Variants in FAM78B observed in about 807,000 individuals in gnomAD.
FAM78B encodes family with sequence similarity 78 member B.
A neutral mutation model predicts 20.0 loss-of-function variants in FAM78B; 10 were observed. The ratio of observed to expected loss-of-function variants is 0.50; its 90% CI spans 0.31 to 0.85. FAM78B has a LOEUF of 0.85. Among genes scored for constraint, FAM78B ranks in the 40% least tolerant of loss-of-function variants. The pLI is 0.05. For missense variants in FAM78B, 283 were observed against 345.0 expected, an observed-to-expected ratio of 0.82 and a Z score of 1.42; for synonymous variants, 135 against 132.8, an observed-to-expected ratio of 1.02 and a Z score of -0.12.
At chr1:166,112,619 T>G (rs1654098882) in intron 1 of FAM78B, among the ~76,000 whole-genome samples, 2 of 152,164 alleles carry the variant, frequency 1.3e-5, no homozygotes, top group Admixed American at 6.5e-5. Context: ...GCCTTATTAT[T>G]CAAGGAGTGG....
intron 1 of FAM78B, among the ~76,000 whole-genome samples, chr1:166,126,765 T>C (rs1428351118): frequency 1.3e-5 from 2 of 152,162 alleles, no homozygotes; most frequent in African/African-American, 4.8e-5. Flanking sequence ...CCAATATTAG[T>C]CCCATTTTAT....
intron 1 of FAM78B, among the ~76,000 whole-genome samples, chr1:166,079,507 G>A (rs10918339): frequency 0.99 from 150,982 of 152,300 alleles, 74,847 homozygotes; most frequent in Middle Eastern, 1. Context: ...TGTTGGGGGT[G>A]TGCATGGAGT....
At chr1:166,129,360 G>C (rs577953490) in intron 1 of FAM78B, among the ~76,000 whole-genome samples, 1 of 152,230 alleles carries the variant, frequency 6.6e-6, no homozygotes, top group African/African-American at 2.4e-5. Context: ...CCCAGGCTGA[G>C]TTGCTTTTCT....
At chr1:166,068,775 T>C (rs1351620662), downstream of FAM78B, among the ~76,000 whole-genome samples, 3 of 151,986 alleles carry the variant, frequency 2.0e-5, no homozygotes, top group Non-Finnish European at 4.4e-5. Flanking sequence ...TGGAAGGGGG[T>C]GGTGAACAAG....
chr1:166,080,830 A>G (rs1376513369), intron 1 of FAM78B, among the ~76,000 whole-genome samples: 1 of 152,202 alleles, frequency 6.6e-6, no homozygotes, highest in African/African-American at 2.4e-5. Flanking sequence ...ATAACAGTGC[A>G]TGGTGGGACA....
At chr1:166,077,124 T>C (rs1355203623) in intron 1 of FAM78B, among the ~76,000 whole-genome samples, 2 of 152,084 alleles carry the variant, frequency 1.3e-5, no homozygotes, top group African/African-American at 4.8e-5. Flanking sequence ...GCAGTAAAGA[T>C]ATGCTGGTGG....
chr1:166,165,940 C>G, intron 1 of FAM78B, 46 bp downstream of exon 1: 1 of 1,611,434 alleles, frequency 6.2e-7, no homozygotes, highest in Non-Finnish European at 8.5e-7. Context: ...GCAAGCAGAG[C>G]TGGGGGCCCA....
chr1:166,104,554 C>A (rs1653683408), intron 1 of FAM78B, among the ~76,000 whole-genome samples: 2 of 149,582 alleles, frequency 1.3e-5, no homozygotes, highest in African/African-American at 2.4e-5. Flanking sequence ...TTCTTATACA[C>A]CAATAACAGA....
intron 1 of FAM78B, among the ~76,000 whole-genome samples, chr1:166,162,044 G>A (rs1273815728): frequency 6.6e-6 from 1 of 152,216 alleles, no homozygotes; most frequent in East Asian, 1.9e-4. Flanking sequence ...TACAGGAACA[G>A]CGGAAAAATA....
At chr1:166,074,607 T>C (rs935797873) in intron 1 of FAM78B, among the ~76,000 whole-genome samples, 1 of 152,220 alleles carries the variant, frequency 6.6e-6, no homozygotes, top group Non-Finnish European at 1.5e-5. Context: ...TTGGTAGAAC[T>C]TGCATACGAC....
intron 1 of FAM78B, among the ~76,000 whole-genome samples, chr1:166,100,942 C>T (rs1653487767): frequency 6.6e-6 from 1 of 152,240 alleles, no homozygotes; most frequent in Admixed American, 6.5e-5. Flanking sequence ...GAGGCACCCC[C>T]AGTAGGGGCA....
chr1:166,155,510 A>T (rs1655859449), intron 1 of FAM78B, among the ~76,000 whole-genome samples: 1 of 152,180 alleles, frequency 6.6e-6, no homozygotes. Context: ...GGGGAGACAG[A>T]CGAGCACATA....
intron 1 of FAM78B, among the ~76,000 whole-genome samples, chr1:166,128,965 G>T (rs551406655): frequency 6.6e-6 from 1 of 152,200 alleles, no homozygotes; most frequent in East Asian, 1.9e-4. Context: ...ATGGGAGGAG[G>T]TGAAGCAAGG....
chr1:166,109,890 GTATATATA>G (rs1200752162), intron 1 of FAM78B, among the ~76,000 whole-genome samples: 8 of 23,188 alleles, frequency 3.5e-4, no homozygotes, highest in Admixed American at 6.8e-4. Context: ...ATGTATATAT[GTATATATA>G]TATATATATA....
intron 2 of FAM78B, among the ~76,000 whole-genome samples, chr1:166,062,440 G>A (rs1207713378): frequency 1.3e-5 from 2 of 152,352 alleles, no homozygotes; most frequent in South Asian, 2.1e-4. Flanking sequence ...AGCAAATGCC[G>A]TATTTCCCTT....
intron 1 of FAM78B, among the ~76,000 whole-genome samples, chr1:166,132,291 T>C (rs888265839): frequency 4.9e-5 from 7 of 143,856 alleles, no homozygotes; most frequent in Non-Finnish European, 4.7e-5. Flanking sequence ...AAATCTCCCC[T>C]CTCCCCTAAC....
At chr1:166,099,375 C>T (rs1557899235) in intron 1 of FAM78B, among the ~76,000 whole-genome samples, 1 of 152,096 alleles carries the variant, frequency 6.6e-6, no homozygotes, top group Non-Finnish European at 1.5e-5. Context: ...AAACGAAGTA[C>T]ACAGGCAACA....
At chr1:166,121,933 T>A (rs958909261) in intron 1 of FAM78B, among the ~76,000 whole-genome samples, 15 of 152,250 alleles carry the variant, frequency 9.9e-5, no homozygotes, top group Non-Finnish European at 1.5e-4. Flanking sequence ...CTCCCACAGC[T>A]CAGCCCTGAA....
chr1:166,155,994 G>A (rs1416536871), intron 1 of FAM78B, among the ~76,000 whole-genome samples: 2 of 152,188 alleles, frequency 1.3e-5, no homozygotes, highest in African/African-American at 4.8e-5. Context: ...GCCTCTGCCT[G>A]CTCCTTCGGG....
Sources: gnomAD v4.1 joint callset for allele counts (sites outside exome capture counted in the v4.1 genomes callset) on GRCh38, gnomAD v4.1.1 for gene constraint, MANE v1.5 for transcripts, NCBI Gene and HGNC (gene_info 2026-07-23, HGNC 2026-07-21) for gene names.